Variants in ZNF385D observed in about 807,000 individuals in gnomAD.
The protein encoded by ZNF385D is zinc finger protein 659.
A neutral mutation model predicts 35.8 loss-of-function variants in ZNF385D; 15 were observed. The ratio of observed to expected loss-of-function variants is 0.42; its 90% CI spans 0.28 to 0.64. The LOEUF is 0.64. Among genes scored for constraint, ZNF385D ranks in the 30% least tolerant of loss-of-function variants. ZNF385D has a pLI of 0.23. For synonymous variants in ZNF385D, 212 were observed against 186.8 expected, an observed-to-expected ratio of 1.13 and a Z score of -1.10; for missense variants, 474 against 494.6, an observed-to-expected ratio of 0.96 and a Z score of 0.39.
intron 3 of ZNF385D, among the ~76,000 whole-genome samples, chr3:22,160,544 T>A (rs1447642195): frequency 6.6e-6 from 1 of 152,110 alleles, no homozygotes; most frequent in East Asian, 1.9e-4. Flanking sequence ...ACTTTAAATA[T>A]CTTCTGGGGC....
intron 2 of ZNF385D, among the ~76,000 whole-genome samples, chr3:22,361,246 G>A (rs1021093470): frequency 6.6e-6 from 1 of 152,044 alleles, no homozygotes; most frequent in African/African-American, 2.4e-5. Context: ...GCCAACAACT[G>A]GGAAAGGACA....
intron 2 of ZNF385D, among the ~76,000 whole-genome samples, chr3:22,229,509 G>A (rs187704134): frequency 6.6e-6 from 1 of 152,306 alleles, no homozygotes; most frequent in African/African-American, 2.4e-5. Flanking sequence ...TTTTGGCATT[G>A]CCATTCCCTT....
intron 3 of ZNF385D, among the ~76,000 whole-genome samples, chr3:22,136,229 A>T (rs1365987524): frequency 6.6e-6 from 1 of 152,176 alleles, no homozygotes; most frequent in East Asian, 1.9e-4. Context: ...ACTAAAAATT[A>T]AAAACAAAAT....
chr3:22,193,525 GAATT>G (rs1490681975), intron 2 of ZNF385D, among the ~76,000 whole-genome samples: 1 of 152,016 alleles, frequency 6.6e-6, no homozygotes, highest in African/African-American at 2.4e-5. Context: ...AATTTTAGCA[GAATT>G]ATTTCCTGTA....
intron 3 of ZNF385D, among the ~76,000 whole-genome samples, chr3:21,983,114 TG>T (rs34404105): frequency 1.2e-4 from 18 of 151,250 alleles, no homozygotes; most frequent in African/African-American, 4.1e-4. Context: ...TAGAATGAAT[TG>T]GGGAGGAGTC....
At chr3:21,862,430 T>C (rs766785916) in intron 3 of ZNF385D, among the ~76,000 whole-genome samples, 8 of 152,054 alleles carry the variant, frequency 5.3e-5, no homozygotes, top group Non-Finnish European at 1.0e-4. Context: ...CACAGTACGA[T>C]TGTAAGAAAT....
chr3:22,291,905 CT>C (rs1702320369), intron 2 of ZNF385D, among the ~76,000 whole-genome samples: 1 of 151,832 alleles, frequency 6.6e-6, no homozygotes, highest in Non-Finnish European at 1.5e-5. Context: ...GAGAAATTTT[CT>C]TTTCTTCTAT....
At chr3:22,368,945 A>C (rs1696781328) in intron 2 of ZNF385D, among the ~76,000 whole-genome samples, 1 of 152,210 alleles carries the variant, frequency 6.6e-6, no homozygotes, top group Admixed American at 6.5e-5. Flanking sequence ...CTACTTGTTC[A>C]AAATATAAAT....
At chr3:21,682,277 C>A (rs1392109561) in intron 1 of ZNF385D, among the ~76,000 whole-genome samples, 1 of 149,546 alleles carries the variant, frequency 6.7e-6, no homozygotes, top group Non-Finnish European at 1.5e-5. Context: ...AATCTAATAA[C>A]TTATGAAAGA....
intron 3 of ZNF385D, among the ~76,000 whole-genome samples, chr3:22,036,271 C>T (rs1039710042): frequency 6.6e-6 from 1 of 152,034 alleles, no homozygotes; most frequent in South Asian, 2.1e-4. Context: ...ATCACTTTTC[C>T]CCAAAGCAGA....
intron 3 of ZNF385D, among the ~76,000 whole-genome samples, chr3:21,935,302 G>A (rs7625879): frequency 0.82 from 124,385 of 152,098 alleles, 51,268 homozygotes; most frequent in East Asian, 0.98. Context: ...TTCGTTTTAT[G>A]TAACAAACAC....
At chr3:22,225,353 GTGTAACCCGCGTCCACCCTGCACCCACT>G (rs1698492513) in intron 2 of ZNF385D, among the ~76,000 whole-genome samples, 1 of 152,092 alleles carries the variant, frequency 6.6e-6, no homozygotes, top group South Asian at 2.1e-4. Flanking sequence ...TGAGGCTCTC[GTGTAACCCGCGTCCACCCTGCACCCACT>G]TGTAACCCGA....
intron 3 of ZNF385D, among the ~76,000 whole-genome samples, chr3:21,809,400 G>A (rs1342572333): frequency 6.6e-6 from 1 of 151,766 alleles, no homozygotes; most frequent in Non-Finnish European, 1.5e-5. Flanking sequence ...ATATAATATT[G>A]TCTAATGCGG....
intron 2 of ZNF385D, among the ~76,000 whole-genome samples, chr3:22,283,556 C>T (rs965506928): frequency 1.3e-5 from 2 of 152,124 alleles, no homozygotes; most frequent in Non-Finnish European, 2.9e-5. Context: ...ATGAGCAAAG[C>T]ATCTGGATCC....
In ZNF385D at chr3:21,915,563, A is replaced by G. The variant is rs374323460; in HGVS notation, c.326-250535T>C. ...AATATTGCCTGTATTGATGCTTTGT[A>G]TTAGTGTTTACGGTAAAGCATCTGG... On this transcript the variant is annotated intron_variant, in intron 3 of 5. Coordinates refer to the ZNF385D transcript ENST00000494108. Among the ~76,000 whole-genome samples, 9 of 152,110 alleles carry G rather than the reference A, an allele frequency of 5.9e-5. No homozygotes were observed. In the East Asian group the frequency reaches 1.3e-3, roughly 23 times the overall value.
At chr3:21,961,822 G>A (rs1326740621) in intron 3 of ZNF385D, among the ~76,000 whole-genome samples, 1 of 152,080 alleles carries the variant, frequency 6.6e-6, no homozygotes, top group Admixed American at 6.6e-5. Context: ...ATGGGATGGG[G>A]AGCAACTCTG....
intron 2 of ZNF385D, among the ~76,000 whole-genome samples, chr3:22,250,912 G>A (rs1700028451): frequency 6.6e-6 from 1 of 152,028 alleles, no homozygotes; most frequent in Non-Finnish European, 1.5e-5. Context: ...TTATTAATGA[G>A]GACTTGAGAA....
At chr3:22,305,556 T>A (rs887792538) in intron 2 of ZNF385D, among the ~76,000 whole-genome samples, 5 of 152,096 alleles carry the variant, frequency 3.3e-5, no homozygotes, top group Non-Finnish European at 5.9e-5. Flanking sequence ...AGCCTCTACC[T>A]CCTGGAGCAT....
At chr3:21,839,899 A>G (rs1033427729) in intron 3 of ZNF385D, among the ~76,000 whole-genome samples, 2 of 152,010 alleles carry the variant, frequency 1.3e-5, no homozygotes, top group African/African-American at 4.8e-5. Context: ...CTGTGCACCT[A>G]AAGACCGAGA....
Sources: gnomAD v4.1 joint callset for allele counts (sites outside exome capture counted in the v4.1 genomes callset) on GRCh38, gnomAD v4.1.1 for gene constraint, MANE v1.5 for transcripts, NCBI Gene and HGNC (gene_info 2026-07-23, HGNC 2026-07-21) for gene names.